Variants in ZNF610 observed in about 807,000 individuals in gnomAD.
The protein encoded by ZNF610 is zink finger protein.
A neutral mutation model predicts 14.1 loss-of-function variants in ZNF610; 14 were observed. That is an observed-to-expected ratio of 0.99 (90% CI 0.65 to 1.55). ZNF610 has a LOEUF of 1.55. Ranked by LOEUF, ZNF610 falls within the 40% of genes most tolerant of loss-of-function variation. The probability of loss-of-function intolerance (pLI) is 0.00; values close to 1 mark genes in which losing one functional copy is unlikely to be tolerated. For synonymous variants in ZNF610, 185 were observed against 187.6 expected, an observed-to-expected ratio of 0.99 and a Z score of 0.11; for missense variants, 530 against 558.0, an observed-to-expected ratio of 0.95 and a Z score of 0.51.
In ZNF610 at chr19:52,365,694, C is replaced by T; in HGVS notation, c.320-4C>T. The T allele has an allele frequency of 1.1e-5, 18 of 1,591,282 alleles. No homozygotes were observed. Among genetic ancestry groups the T allele is most frequent in the Non-Finnish European group, 1.4e-5 (16 of 1,171,444 alleles). The stretch of plus-strand genomic sequence containing the variant: ...TTCATGTTCTACTCTTTCTTCTTTT[C>T]TAGGGAGGAGCTGTGTATTGGGAAG... On this transcript the variant is annotated splice_region_variant and splice_polypyrimidine_tract_variant and intron_variant, in intron 5 of 5. Coordinates refer to ENST00000403906, the MANE Select transcript of ZNF610 (RefSeq NM_001161425.2).
Position 52,365,805 on chromosome 19 carries a change from A to G in ZNF610, c.427A>G (p.Arg143Gly). Residue 143 changes from arginine (R) to glycine (G), a missense_variant, in exon 6 of 6, where the codon AGG (arginine) becomes GGG (glycine). Physicochemically the swap from Arg to Gly is moderately radical, Grantham distance 125. Transcript: ENST00000403906. The part of the protein sequence containing the change: ...LSELQLFQAG[R>G]KIYRSNQVEK... ...TGAATTGCAGCTGTTTCAAGCCGGAAGGAAAATTTACAGAAGTAATCAAGT... is the reference window on the plus strand; with the variant it reads ...TGAATTGCAGCTGTTTCAAGCCGGAGGGAAAATTTACAGAAGTAATCAAGT... 6.2e-7 allele frequency: 1 copy of G among 1,614,222 alleles called. No homozygotes were observed. Among genetic ancestry groups the G allele is most frequent in the South Asian group, 1.1e-5 (1 of 91,086 alleles).
intron 3 of ZNF610, among the ~76,000 whole-genome samples, chr19:52,351,515 C>T (rs1187518042): frequency 6.6e-6 from 1 of 150,776 alleles, no homozygotes; most frequent in Non-Finnish European, 1.5e-5. Context: ...TGGCGTGGTT[C>T]AGGGACCATG....
Position 52,366,036 on chromosome 19 carries a change from A to C in ZNF610, c.658A>C (p.Thr220Pro). The change falls in exon 6 of 6, where the codon ACT (threonine) becomes CCT (proline). Residue 220 changes from threonine to proline, a missense_variant. By Grantham distance (38) the Thr-to-Pro change is conservative. Coordinates refer to ENST00000403906, the MANE Select transcript of ZNF610 (RefSeq NM_001161425.2). ...GEVFRVRASLTNHQVIHTAEK... is the reference protein window; with the variant it reads ...GEVFRVRASLPNHQVIHTAEK... ...AGTTTTTAGAGTCCGTGCAAGCCTTACTAACCATCAAGTAATCCATACTGC... is the reference window on the plus strand; with the variant it reads ...AGTTTTTAGAGTCCGTGCAAGCCTTCCTAACCATCAAGTAATCCATACTGC... 1 of 1,614,128 alleles carries C rather than the reference A, an allele frequency of 6.2e-7. No individual in the cohort carries two copies. The highest frequency in any genetic ancestry group is 8.5e-7 in the Non-Finnish European group (1 of 1,180,020).
chr19:52,331,999 C>T (rs1984225404), upstream of ZNF610, among the ~76,000 whole-genome samples: 2 of 152,168 alleles, frequency 1.3e-5, no homozygotes, highest in Non-Finnish European at 2.9e-5. Context: ...AAACTCGGGA[C>T]TATGAGGACA....
At chr19:52,344,019 T>C (rs773072817) in intron 1 of ZNF610, 3 of 151,936 alleles carry the variant, frequency 2.0e-5, no homozygotes, top group Non-Finnish European at 4.4e-5. Flanking sequence ...TTCTCTGGGG[T>C]GGGAGGGAAG....
Position 52,366,404 on chromosome 19 carries a change from A to T in ZNF610, c.1026A>T (p.Lys342Asn), listed in dbSNP as rs765269667. The change falls in exon 6 of 6, where the codon AAA becomes AAT. Residue 342 changes from lysine to asparagine, a missense_variant. Lys to Asn is a moderately conservative substitution (Grantham distance 94). Coordinates refer to ENST00000403906, the MANE Select transcript of ZNF610 (RefSeq NM_001161425.2). Reference sequence around the variant, plus strand: ...ATCAGAGAAGTCACACGGCGGAAAAACCTTACAAATGTAATGAATGTGGCA... The same window carrying T: ...ATCAGAGAAGTCACACGGCGGAAAATCCTTACAAATGTAATGAATGTGGCA... ...TNHQRSHTAE[K>N]PYKCNECGKV... 13 of 1,614,018 alleles carry T rather than the reference A, an allele frequency of 8.1e-6. No individual in the cohort carries two copies. Among genetic ancestry groups the T allele is most frequent in the Non-Finnish European group, 1.1e-5 (13 of 1,180,016 alleles).
intron 5 of ZNF610, among the ~76,000 whole-genome samples, chr19:52,358,954 C>G (rs1383508422): frequency 6.6e-6 from 1 of 152,152 alleles, no homozygotes; most frequent in Non-Finnish European, 1.5e-5. Flanking sequence ...ATCATTTGAC[C>G]AAATATTTGA....
At chr19:52,343,788 T>C (rs571869118) in intron 1 of ZNF610, among the ~76,000 whole-genome samples, 2 of 152,206 alleles carry the variant, frequency 1.3e-5, no homozygotes, top group East Asian at 3.9e-4. Context: ...GGTGTGATCA[T>C]TGGAGAACAG....
chr19:52,360,169 G>A (rs566950187), intron 5 of ZNF610, among the ~76,000 whole-genome samples: 5 of 152,182 alleles, frequency 3.3e-5, no homozygotes, highest in African/African-American at 1.2e-4. Flanking sequence ...ACCCTCTCTC[G>A]GGAGGTCTTA....
chr19:52,354,408 C>T (rs775264019), intron 5 of ZNF610, 29 bp downstream of exon 5: 2 of 1,598,334 alleles, frequency 1.3e-6, no homozygotes, highest in East Asian at 4.5e-5. Context: ...AGTGTGGAGG[C>T]CATAGTTTTT....
intron 5 of ZNF610, among the ~76,000 whole-genome samples, chr19:52,356,666 C>G (rs935505751): frequency 6.6e-6 from 1 of 151,984 alleles, no homozygotes; most frequent in African/African-American, 2.4e-5. Context: ...CTTTGTTGTA[C>G]GTGACTTAGT....
chr19:52,340,774 G>A (rs1253615632), intron 1 of ZNF610, among the ~76,000 whole-genome samples: 2 of 151,922 alleles, frequency 1.3e-5, no homozygotes, highest in Non-Finnish European at 2.9e-5. Context: ...CCTGCCTCCC[G>A]GGTTCAAGCG....
In ZNF610 at chr19:52,365,891, C is replaced by T. The variant is rs376963796; in HGVS notation, c.513C>T (p.Phe171=). Residue 171 remains phenylalanine, a synonymous_variant, in exon 6 of 6, where the codon TTC becomes TTT. Transcript: ENST00000403906. ...CACTTCAAAAAATTTCTTCTAGTTT[C>T]ACAACACACATTTTTAATAAATATA... ...VSPLQKISSS[F]TTHIFNKYRN... The T allele has an allele frequency of 3.1e-6, 5 of 1,612,846 alleles. No individual in the cohort carries two copies. Among genetic ancestry groups the T allele is most frequent in the Non-Finnish European group, 3.4e-6 (4 of 1,179,692 alleles).
chr19:52,362,148 C>T (rs752016148), intron 5 of ZNF610, among the ~76,000 whole-genome samples: 5 of 152,164 alleles, frequency 3.3e-5, no homozygotes, highest in African/African-American at 4.8e-5. Flanking sequence ...TATGGGATTA[C>T]GCCTGTAATC....
At chr19:52,334,592 A>G (rs1256732593), upstream of ZNF610, among the ~76,000 whole-genome samples, 1 of 152,196 alleles carries the variant, frequency 6.6e-6, no homozygotes, top group Admixed American at 6.5e-5. Flanking sequence ...TTTTCTAGGA[A>G]AATGTACTCT....
chr19:52,332,287 C>A (rs1463329881), upstream of ZNF610, among the ~76,000 whole-genome samples: 2 of 152,178 alleles, frequency 1.3e-5, no homozygotes, highest in Non-Finnish European at 2.9e-5. This position sits in a 1 kb window ranked among gnomAD's most constrained non-coding sequence, Gnocchi z 4.1. Context: ...CCTGCAGAAG[C>A]CCCAAAAAGC....
chr19:52,341,777 C>T (rs1025430816), intron 1 of ZNF610, among the ~76,000 whole-genome samples: 1 of 152,028 alleles, frequency 6.6e-6, no homozygotes, highest in South Asian at 2.1e-4. Flanking sequence ...CAGGCATGCA[C>T]CACTATGCCT....
rs571180729 is a variant in ZNF610, at chr19:52,365,840, T to A, written c.462T>A (p.Phe154Leu). ...KIYRSNQVEK[F>L]TNHRSSVSPL... ...ACAGAAGTAATCAAGTTGAAAAGTT[T>A]ACAAACCATCGTTCCTCAGTTTCAC... The change falls in exon 6 of 6, where the codon TTT (phenylalanine) becomes TTA (leucine). Residue 154 changes from phenylalanine to leucine, a missense_variant. Transcript: ENST00000403906. 1 of 1,614,168 alleles carries A rather than the reference T, an allele frequency of 6.2e-7. No homozygotes were observed. Among genetic ancestry groups the A allele is most frequent in the South Asian group, 1.1e-5 (1 of 91,066 alleles).
intron 3 of ZNF610, among the ~76,000 whole-genome samples, chr19:52,350,279 C>CCCCTG (rs1379860198): frequency 6.6e-6 from 1 of 152,210 alleles, no homozygotes; most frequent in Non-Finnish European, 1.5e-5. Context: ...TACGAAGCCT[C>CCCCTG]CCCTGCCCTG....
Sources: allele counts gnomAD v4.1 joint callset (sites outside exome capture counted in the v4.1 genomes callset), GRCh38; gene constraint gnomAD v4.1.1; non-coding constraint Gnocchi (gnomAD v3.1); transcripts MANE v1.5; gene names NCBI Gene and HGNC (gene_info 2026-07-23, HGNC 2026-07-21).